The following SLC24A3 variants were observed in gnomAD, a reference collection of about 807,000 sequenced individuals.
SLC24A3 encodes the protein sodium/potassium/calcium exchanger 3.
Under a neutral mutation model 75.8 loss-of-function variants are expected in SLC24A3, and 28 were observed. That is an observed-to-expected ratio of 0.37 (90% CI 0.27 to 0.51). The LOEUF (loss-of-function observed/expected upper bound fraction) is 0.51, where lower values mean the gene tolerates loss of function less well. SLC24A3 is among the 20% of genes least tolerant of loss of function. The probability of loss-of-function intolerance (pLI) is 0.94; values close to 1 mark genes in which losing one functional copy is unlikely to be tolerated. For synonymous variants in SLC24A3, 372 were observed against 334.1 expected, an observed-to-expected ratio of 1.11 and a Z score of -1.24; for missense variants, 663 against 847.8, an observed-to-expected ratio of 0.78 and a Z score of 2.71.
At chr20:19,507,012 G>C (rs369593141) in intron 2 of SLC24A3, among the ~76,000 whole-genome samples, 1 of 152,160 alleles carries the variant, frequency 6.6e-6, no homozygotes, top group African/African-American at 2.4e-5. Context: ...ACTTGACCTC[G>C]TTGAATGTAA....
intron 1 of SLC24A3, among the ~76,000 whole-genome samples, chr20:19,239,961 C>G (rs1189402594): frequency 1.3e-5 from 2 of 152,144 alleles, no homozygotes; most frequent in African/African-American, 2.4e-5. Flanking sequence ...TGCGGTTGTC[C>G]TGAGTCTTTT....
At position 19,715,525 on chromosome 20, in the gene SLC24A3, G is replaced by A. The variant is rs146504794; in HGVS notation, c.1720-2003G>A. Among the ~76,000 whole-genome samples the A allele has an allele frequency of 1.5e-4, 23 of 152,316 alleles. No individual in the cohort carries two copies. The East Asian group carries it at 4.3e-3, about 28-fold the overall frequency. ...GGGGCCAGCAAATGGTTGACTCACA[G>A]GGATTGCAAGTCACGAGAGAAAGAG... On this transcript the variant is annotated intron_variant, in intron 15 of 16. Transcript: ENST00000328041.
intron 2 of SLC24A3, among the ~76,000 whole-genome samples, chr20:19,420,353 A>C (rs1367957246): frequency 2.6e-4 from 23 of 89,030 alleles, no homozygotes; most frequent in Non-Finnish European, 4.4e-4. Context: ...CAGTAATGGG[A>C]TGGCTGGGTC....
At chr20:19,489,969 C>T (rs1457361487) in intron 2 of SLC24A3, among the ~76,000 whole-genome samples, 2 of 152,158 alleles carry the variant, frequency 1.3e-5, no homozygotes, top group East Asian at 3.9e-4. Flanking sequence ...GAAGTAGAAA[C>T]TGTCTTTGGG....
intron 6 of SLC24A3, among the ~76,000 whole-genome samples, chr20:19,621,774 G>C (rs967553873): frequency 6.6e-6 from 1 of 152,204 alleles, no homozygotes; most frequent in African/African-American, 2.4e-5. Flanking sequence ...CCTGTTGGAC[G>C]TATCCAGTCT....
chr20:19,522,927 A>C (rs1201137378), intron 3 of SLC24A3, among the ~76,000 whole-genome samples: 2 of 152,154 alleles, frequency 1.3e-5, no homozygotes, highest in Non-Finnish European at 2.9e-5. Flanking sequence ...TGTGATGAAA[A>C]CATTTAAAAT....
Position 19,470,815 on chromosome 20 carries a change from G to A in SLC24A3, c.272-44673G>A, listed in dbSNP as rs527632137. Among the ~76,000 whole-genome samples the A allele has an allele frequency of 1.7e-4, 26 of 152,258 alleles. 1 individual carries two copies. Among genetic ancestry groups the A allele is most frequent in the East Asian group, 5.8e-4 (3 of 5,180 alleles). On this transcript the variant is annotated intron_variant, in intron 2 of 16. Transcript: ENST00000328041. Reference sequence around the variant, plus strand: ...CACATGTTAGTGATGTGAAACTCACGTAGACCCAGACATTTAGGGAGGTGC... The same window carrying A: ...CACATGTTAGTGATGTGAAACTCACATAGACCCAGACATTTAGGGAGGTGC...
At position 19,722,869 on chromosome 20, in the gene SLC24A3, T is replaced by G. The variant is rs2033118856; in HGVS notation, c.*1729T>G. ...TATGGCGATTGTTTTCTTGGACGGA[T>G]AGTGTAAAATAAACTTCTCTGTTCT... On this transcript the variant is annotated 3_prime_UTR_variant, in exon 17 of 17. Coordinates refer to ENST00000328041, the MANE Select transcript of SLC24A3 (RefSeq NM_020689.4). The G allele has an allele frequency of 6.6e-6, 1 of 152,644 alleles. No individual in the cohort carries two copies. The highest frequency in any genetic ancestry group is 2.1e-4 in the South Asian group (1 of 4,832). 9.5% of individuals were successfully genotyped at this position (152,644 alleles called of 1,614,324 possible). A position where few individuals can be genotyped will look rare whatever the true frequency, so the allele number is the denominator to read the frequency against.
chr20:19,675,124 G>A (rs2032508883), intron 9 of SLC24A3, among the ~76,000 whole-genome samples: 1 of 152,188 alleles, frequency 6.6e-6, no homozygotes, highest in Non-Finnish European at 1.5e-5. Context: ...CACCATGGTG[G>A]TAAGCCTGCT....
chr20:19,662,256 C>T (rs1237248584), intron 7 of SLC24A3, among the ~76,000 whole-genome samples: 3 of 152,182 alleles, frequency 2.0e-5, no homozygotes, highest in Non-Finnish European at 2.9e-5. Flanking sequence ...AGAACGCTTA[C>T]CCAAGGGTTG....
chr20:19,372,084 A>G (rs1030727780), intron 2 of SLC24A3, among the ~76,000 whole-genome samples: 2 of 152,230 alleles, frequency 1.3e-5, no homozygotes, highest in African/African-American at 4.8e-5. Context: ...GGCAGGATTT[A>G]TGGTAAGGAC....
At chr20:19,555,875 T>C (rs1440848527) in intron 3 of SLC24A3, among the ~76,000 whole-genome samples, 1 of 152,212 alleles carries the variant, frequency 6.6e-6, no homozygotes, top group Admixed American at 6.5e-5. Context: ...ACATGGAATG[T>C]GTCTCAGTCA....
At chr20:19,346,373 G>GTA (rs1371971716) in intron 2 of SLC24A3, among the ~76,000 whole-genome samples, 113 of 123,054 alleles carry the variant, frequency 9.2e-4, no homozygotes, top group Admixed American at 1.6e-3. Context: ...TATATGTGGT[G>GTA]TATATATATG....
intron 1 of SLC24A3, among the ~76,000 whole-genome samples, chr20:19,236,579 G>T (rs1478935239): frequency 1.3e-5 from 2 of 151,974 alleles, no homozygotes; most frequent in Non-Finnish European, 2.9e-5. Context: ...TAGCAAGACC[G>T]CAACTCTGCA....
chr20:19,319,297 C>A (rs1285906603), intron 2 of SLC24A3, among the ~76,000 whole-genome samples: 1 of 152,208 alleles, frequency 6.6e-6, no homozygotes, highest in African/African-American at 2.4e-5. Context: ...AAAAGTGTAT[C>A]TCAAGTAAGC....
intron 2 of SLC24A3, among the ~76,000 whole-genome samples, chr20:19,286,236 C>T (rs901725627): frequency 5.3e-5 from 8 of 152,076 alleles, no homozygotes; most frequent in African/African-American, 1.7e-4. Flanking sequence ...TTGACTGGCC[C>T]GAAGCCCACA....
chr20:19,474,360 C>T (rs868157630), intron 2 of SLC24A3, among the ~76,000 whole-genome samples: 6 of 152,218 alleles, frequency 3.9e-5, no homozygotes, highest in Middle Eastern at 6.8e-3. Flanking sequence ...CTGCACAACC[C>T]GGATTTTAAA....
In SLC24A3 at chr20:19,626,182, C is replaced by T. The variant is rs147320758; in HGVS notation, c.613-27880C>T. Reference sequence around the variant, plus strand: ...CAGAATTCAGATAGAAAGGAAACCACATTCCAAGCTCTATAGTAAGACTTG... The same window carrying T: ...CAGAATTCAGATAGAAAGGAAACCATATTCCAAGCTCTATAGTAAGACTTG... On this transcript the variant is annotated intron_variant, in intron 6 of 16. Coordinates refer to ENST00000328041, the MANE Select transcript of SLC24A3 (RefSeq NM_020689.4). Among the ~76,000 whole-genome samples the T allele has an allele frequency of 1.8e-3, 278 of 152,300 alleles. 1 individual carries two copies. Among genetic ancestry groups the T allele is most frequent in the Non-Finnish European group, 3.2e-3 (217 of 68,010 alleles).
At chr20:19,700,272 T>G (rs1570021) in intron 15 of SLC24A3, among the ~76,000 whole-genome samples, 108,910 of 152,036 alleles carry the variant, frequency 0.72, 39,549 homozygotes, top group East Asian at 0.95. Context: ...AGCTCTCATG[T>G]CTCTTCCAAG....
Sources: allele counts gnomAD v4.1 joint callset (sites outside exome capture counted in the v4.1 genomes callset), GRCh38; gene constraint gnomAD v4.1.1; transcripts MANE v1.5; gene names NCBI Gene and HGNC (gene_info 2026-07-23, HGNC 2026-07-21).